Variants in SLC39A8 observed in about 807,000 individuals in gnomAD.
SLC39A8 encodes metal cation symporter ZIP8.
SLC39A8 carries 15 observed loss-of-function variants against 40.4 expected under a neutral mutation model. The ratio of observed to expected loss-of-function variants is 0.37; its 90% CI spans 0.25 to 0.57. The LOEUF (loss-of-function observed/expected upper bound fraction) is 0.57, where lower values mean the gene tolerates loss of function less well. Among genes scored for constraint, SLC39A8 ranks in the 20% least tolerant of loss-of-function variants. The probability of loss-of-function intolerance (pLI) is 0.75; values close to 1 mark genes in which losing one functional copy is unlikely to be tolerated. For missense variants in SLC39A8, 472 were observed against 558.8 expected (o/e 0.84, Z 1.57); for synonymous variants, 223 against 221.6 (o/e 1.01, Z -0.06).
intron 2 of SLC39A8, among the ~76,000 whole-genome samples, chr4:102,326,555 C>T (rs1016316421): frequency 7.9e-5 from 12 of 151,656 alleles, no homozygotes; most frequent in African/African-American, 1.7e-4. Flanking sequence ...AGCAAGACTC[C>T]GTCTCAAAAA....
At chr4:102,327,453 AAT>A (rs1288797638) in intron 2 of SLC39A8, among the ~76,000 whole-genome samples, 1 of 152,152 alleles carries the variant, frequency 6.6e-6, no homozygotes, top group African/African-American at 2.4e-5. Flanking sequence ...CCCTGCCTAG[AAT>A]ATGATACATC....
At chr4:102,338,265 C>A (rs531950611) in intron 2 of SLC39A8, among the ~76,000 whole-genome samples, 8 of 151,238 alleles carry the variant, frequency 5.3e-5, no homozygotes, top group African/African-American at 1.9e-4. Flanking sequence ...CGGCTCACTG[C>A]AAGCTCTGCC....
At chr4:102,316,883 T>C (rs1432384234) in intron 2 of SLC39A8, among the ~76,000 whole-genome samples, 1 of 152,114 alleles carries the variant, frequency 6.6e-6, no homozygotes, top group Non-Finnish European at 1.5e-5. Flanking sequence ...CCAGTGGGAT[T>C]AGTGCACTTA....
At chr4:102,326,355 A>T (rs563148036) in intron 2 of SLC39A8, among the ~76,000 whole-genome samples, 7 of 152,198 alleles carry the variant, frequency 4.6e-5, no homozygotes, top group South Asian at 2.1e-4. Flanking sequence ...AGGTCAGGAG[A>T]TCGAGACCAT....
rs147599908 is a variant in SLC39A8 at position 102,274,089 on chromosome 4, G to A, written c.841-6010C>T. Among the ~76,000 whole-genome samples the A allele has an allele frequency of 6.6e-5, 10 of 152,198 alleles. No individual in the cohort carries two copies. The East Asian group carries it at 7.7e-4, about 12-fold the overall frequency. On this transcript the variant is annotated intron_variant, in intron 6 of 8. Coordinates refer to ENST00000356736, the MANE Select transcript of SLC39A8 (RefSeq NM_001135146.2). ...CACCAGCAAGGGAACAAAATCAGACGGAGAATAAGTTTGACAAATTGACAG... is the reference window on the plus strand; with the variant it reads ...CACCAGCAAGGGAACAAAATCAGACAGAGAATAAGTTTGACAAATTGACAG...
intron 5 of SLC39A8, 66 bp downstream of exon 5, chr4:102,304,923 T>C (rs1398579213): frequency 7.1e-7 from 1 of 1,399,132 alleles, no homozygotes; most frequent in Non-Finnish European, 9.7e-7. Context: ...ATTTCTGTCT[T>C]TATTTGCCTA....
intron 2 of SLC39A8, among the ~76,000 whole-genome samples, chr4:102,321,639 C>G (rs1253780409): frequency 6.6e-6 from 1 of 152,212 alleles, no homozygotes; most frequent in Non-Finnish European, 1.5e-5. Flanking sequence ...AACTAAGGAA[C>G]AAAGTTCTGC....
At chr4:102,305,166 T>A in intron 4 of SLC39A8, 55 bp from the exon 5 acceptor site, 1 of 1,539,530 alleles carries the variant, frequency 6.5e-7, no homozygotes, top group Non-Finnish European at 8.9e-7. Context: ...ACTTGATTTC[T>A]GGAAAATAAT....
rs534687680 is a variant in SLC39A8 at position 102,326,761 on chromosome 4, G to A, written c.220-10931C>T. ...TGAGACCAAAATGTTTGAGAATCTA[G>A]CAGATAAAAATGACACACCAGCAGA... On this transcript the variant is annotated intron_variant, in intron 2 of 8. Transcript: ENST00000356736. 2.0e-5 allele frequency among the ~76,000 whole-genome samples: 3 copies of A among 152,196 alleles called. No individual in the cohort carries two copies. The East Asian group carries it at 5.8e-4, about 29-fold the overall frequency.
At chr4:102,310,255 T>A (rs1734375561) in intron 3 of SLC39A8, among the ~76,000 whole-genome samples, 1 of 152,080 alleles carries the variant, frequency 6.6e-6, no homozygotes. Flanking sequence ...ATCTCCTCTA[T>A]GAAGCTTCCC....
chr4:102,286,152 A>AGTATT (rs1358197709), intron 6 of SLC39A8, among the ~76,000 whole-genome samples: 1 of 152,316 alleles, frequency 6.6e-6, no homozygotes, highest in African/African-American at 2.4e-5. Flanking sequence ...CAATAGAATA[A>AGTATT]GTATTTAAAT....
At chr4:102,332,156 A>C (rs1425860731) in intron 2 of SLC39A8, among the ~76,000 whole-genome samples, 1 of 152,222 alleles carries the variant, frequency 6.6e-6, no homozygotes, top group Non-Finnish European at 1.5e-5. Flanking sequence ...AAAAGCCAAA[A>C]TTGACAAATG....
chr4:102,282,997 A>T (rs1171853752), intron 6 of SLC39A8, among the ~76,000 whole-genome samples: 1 of 152,198 alleles, frequency 6.6e-6, no homozygotes, highest in Non-Finnish European at 1.5e-5. Flanking sequence ...AAGTGCTGGG[A>T]TTACAGGCGT....
At chr4:102,251,493 C>T (rs971054640) in exon 12 of SLC39A8, 2 of 152,260 alleles carry the variant, frequency 1.3e-5, no homozygotes, top group African/African-American at 2.4e-5. Flanking sequence ...TGGCAAAACT[C>T]GACCTCTGTC....
chr4:102,277,750 A>G (rs910609981), intron 6 of SLC39A8, among the ~76,000 whole-genome samples: 1 of 152,244 alleles, frequency 6.6e-6, no homozygotes, highest in Admixed American at 6.5e-5. Context: ...ACAAGGCTAC[A>G]GTAACCAAGA....
At position 102,262,397 on chromosome 4, in the gene SLC39A8, C is replaced by T; in HGVS notation, c.*647G>A. 2.0e-6 allele frequency: 2 copies of T among 985,502 alleles called. No homozygotes were observed. Among genetic ancestry groups the T allele is most frequent in the Non-Finnish European group, 2.4e-6 (2 of 829,924 alleles). 61.0% of individuals were successfully genotyped at this position (985,502 alleles called of 1,614,324 possible). Reference sequence around the variant, plus strand: ...TATACTTAGCGATAAGCCTCTAAGCCTGAACTTAGCAGGGCTAGCAAAACT... The same window carrying T: ...TATACTTAGCGATAAGCCTCTAAGCTTGAACTTAGCAGGGCTAGCAAAACT... On this transcript the variant is annotated 3_prime_UTR_variant, in exon 9 of 9. Coordinates refer to ENST00000356736, the MANE Select transcript of SLC39A8 (RefSeq NM_001135146.2).
chr4:102,264,664 G>A (rs982317470), intron 8 of SLC39A8, among the ~76,000 whole-genome samples: 2 of 152,196 alleles, frequency 1.3e-5, no homozygotes, highest in African/African-American at 2.4e-5. Context: ...TCTAACAGAA[G>A]GCTGTTTCAG....
chr4:102,320,191 G>GAGTATACA (rs1734856252), intron 2 of SLC39A8, among the ~76,000 whole-genome samples: 1 of 66,550 alleles, frequency 1.5e-5, no homozygotes, highest in Non-Finnish European at 3.2e-5. Flanking sequence ...ATATATATAT[G>GAGTATACA]TATATATATA....
chr4:102,295,170 AAT>A (rs928676938), intron 6 of SLC39A8, among the ~76,000 whole-genome samples: 9 of 147,918 alleles, frequency 6.1e-5, no homozygotes, highest in African/African-American at 2.2e-4. Context: ...TATATATGTA[AAT>A]ATATATATTA....
Sources: gnomAD v4.1 joint callset for allele counts (sites outside exome capture counted in the v4.1 genomes callset) on GRCh38, gnomAD v4.1.1 for gene constraint, MANE v1.5 for transcripts, NCBI Gene and HGNC (gene_info 2026-07-23, HGNC 2026-07-21) for gene names.